Variants in PRRX1 observed in about 807,000 individuals in gnomAD.
The protein encoded by PRRX1 is paired mesoderm homeobox protein 1.
In PRRX1, 8 loss-of-function variants were observed where a neutral mutation model predicts 24.0. The ratio of observed to expected loss-of-function variants is 0.33; its 90% CI spans 0.20 to 0.60. PRRX1 has a LOEUF of 0.60. Among genes scored for constraint, PRRX1 ranks in the 20% least tolerant of loss-of-function variants. The pLI, the probability that PRRX1 is intolerant of heterozygous loss-of-function variation, is 0.82. For missense variants in PRRX1, 281 were observed against 322.4 expected (o/e 0.87, Z 0.98); for synonymous variants, 160 against 131.7 (o/e 1.22, Z -1.47).
chr1:170,681,830 T>A (rs1344220369), intron 1 of PRRX1, among the ~76,000 whole-genome samples: 2 of 152,230 alleles, frequency 1.3e-5, no homozygotes, highest in Non-Finnish European at 2.9e-5. Context: ...CTAATTTGCA[T>A]CACCTAATAT....
intron 1 of PRRX1, among the ~76,000 whole-genome samples, chr1:170,674,304 T>C (rs533982000): frequency 1.6e-4 from 24 of 152,290 alleles, no homozygotes; most frequent in Admixed American, 1.1e-3. Flanking sequence ...GCTAGGCTAG[T>C]ATACTAACTC....
In PRRX1 at chr1:170,738,069, A is replaced by G. The variant is rs145568344; in HGVS notation, c.*1883A>G. On this transcript the variant is annotated 3_prime_UTR_variant, in exon 4 of 4. Transcript: ENST00000239461. ...CTCAAAAATCACATCATTTGACCAAAGAATAATTTAAGACACATAGAACAG... is the reference window on the plus strand; with the variant it reads ...CTCAAAAATCACATCATTTGACCAAGGAATAATTTAAGACACATAGAACAG... 1.8e-3 allele frequency: 401 copies of G among 217,124 alleles called. 3 individuals carry two copies. The highest frequency in any genetic ancestry group is 8.4e-3 in the African/African-American group (376 of 44,554). The allele number at this position is 217,124 out of a possible 1,614,324, so 13.4% of individuals were successfully genotyped here. A position where few individuals can be genotyped will look rare whatever the true frequency, so the allele number is the denominator to read the frequency against.
chr1:170,720,751 T>C (rs1655056080), intron 2 of PRRX1, among the ~76,000 whole-genome samples: 1 of 152,204 alleles, frequency 6.6e-6, no homozygotes, highest in African/African-American at 2.4e-5. Flanking sequence ...TCAGTGTCTC[T>C]GTGAACTGAA....
At chr1:170,696,432 T>G (rs1442554979) in intron 1 of PRRX1, among the ~76,000 whole-genome samples, 1 of 152,116 alleles carries the variant, frequency 6.6e-6, no homozygotes, top group Non-Finnish European at 1.5e-5. Context: ...TAACATAAGG[T>G]GCAGCCAGCA....
At chr1:170,711,246 C>T (rs1654738676) in intron 1 of PRRX1, among the ~76,000 whole-genome samples, 1 of 152,140 alleles carries the variant, frequency 6.6e-6, no homozygotes, top group South Asian at 2.1e-4. Context: ...TTCATTTATT[C>T]TATATAGTGT....
intron 3 of PRRX1, chr1:170,727,870 C>A (rs1655307396): frequency 6.6e-6 from 1 of 152,150 alleles, no homozygotes. Context: ...AGATTTACTA[C>A]AAATACATTT....
intron 3 of PRRX1, among the ~76,000 whole-genome samples, chr1:170,732,161 T>A (rs960843027): frequency 4.6e-5 from 7 of 152,330 alleles, no homozygotes; most frequent in African/African-American, 1.7e-4. Flanking sequence ...GCAAGCTTAA[T>A]CCTGTATAGG....
At chr1:170,705,670 C>G (rs981820114) in intron 1 of PRRX1, among the ~76,000 whole-genome samples, 20 of 152,060 alleles carry the variant, frequency 1.3e-4, no homozygotes, top group Admixed American at 1.1e-3. Flanking sequence ...CTGGGAGCTC[C>G]TACCAGAAAC....
intron 1 of PRRX1, among the ~76,000 whole-genome samples, chr1:170,718,661 A>T (rs914883622): frequency 6.6e-5 from 10 of 152,316 alleles, no homozygotes; most frequent in African/African-American, 2.4e-4. Flanking sequence ...TAGATGGAGC[A>T]TGTGACTTGG....
chr1:170,709,241 C>T (rs891562172), intron 1 of PRRX1, among the ~76,000 whole-genome samples: 2 of 152,090 alleles, frequency 1.3e-5, no homozygotes, highest in Non-Finnish European at 2.9e-5. Flanking sequence ...AAAGAACTGA[C>T]AGGTCAGCTG....
intron 1 of PRRX1, among the ~76,000 whole-genome samples, chr1:170,699,646 G>A (rs1295369692): frequency 6.6e-6 from 1 of 152,128 alleles, no homozygotes; most frequent in African/African-American, 2.4e-5. Context: ...AGAAAGATTG[G>A]CTTGCTTGGA....
rs947275798 is a variant in PRRX1, at chr1:170,737,517, C to A, written c.*1331C>A. ...GAGAGAGTAAGGAATACCATTTAGT[C>A]ATCTATCCGTTCTTCACTTAGCAGG... is the stretch of plus-strand genomic sequence containing the variant. On this transcript the variant is annotated 3_prime_UTR_variant, in exon 4 of 4. Coordinates refer to ENST00000239461, the MANE Select transcript of PRRX1 (RefSeq NM_022716.4). The A allele has an allele frequency of 4.8e-6, 1 of 208,562 alleles. No individual in the cohort carries two copies. The highest frequency in any genetic ancestry group is 2.3e-5 in the African/African-American group (1 of 43,916). 12.9% of individuals were successfully genotyped at this position (208,562 alleles called of 1,614,324 possible).
intron 1 of PRRX1, among the ~76,000 whole-genome samples, chr1:170,713,614 A>T (rs1439826389): frequency 1.3e-5 from 2 of 152,224 alleles, no homozygotes; most frequent in East Asian, 1.9e-4. Flanking sequence ...TGAGCTATCT[A>T]CACAGAACCA....
chr1:170,678,483 G>A (rs760231375), intron 1 of PRRX1, among the ~76,000 whole-genome samples: 37 of 152,198 alleles, frequency 2.4e-4, no homozygotes, highest in Non-Finnish European at 4.8e-4. Context: ...AGAGAGAAGG[G>A]GCAGGTCAGC....
intron 1 of PRRX1, among the ~76,000 whole-genome samples, chr1:170,687,416 G>A (rs1653781484): frequency 6.6e-6 from 1 of 152,122 alleles, no homozygotes. Flanking sequence ...TGTGAATTCT[G>A]TCTTTTCTTT....
intron 1 of PRRX1, among the ~76,000 whole-genome samples, chr1:170,666,618 G>A (rs1038096649): frequency 1.3e-5 from 2 of 152,052 alleles, no homozygotes; most frequent in Non-Finnish European, 2.9e-5. Flanking sequence ...GACCAGAGTG[G>A]GGCAGGAGAG....
chr1:170,728,191 T>G (rs567602072), intron 3 of PRRX1: 1 of 152,214 alleles, frequency 6.6e-6, no homozygotes, highest in African/African-American at 2.4e-5. Flanking sequence ...ACACACTGCA[T>G]GAATGGGGAT....
chr1:170,700,190 A>G (rs942798657), intron 1 of PRRX1, among the ~76,000 whole-genome samples: 8 of 152,096 alleles, frequency 5.3e-5, no homozygotes, highest in African/African-American at 1.9e-4. Flanking sequence ...TTTTGTGTGA[A>G]TGAGTTGGTT....
chr1:170,720,191 T>C lies in PRRX1; in HGVS notation c.417+290T>C, dbSNP rs370694628. On this transcript the variant is annotated intron_variant, in intron 2 of 3. Transcript: ENST00000239461. ...TTCTTGGAAGGCTGAGGTGGGAGAATTGCTTGAGCCTGGGGGGTGGAGGTT... is the reference window on the plus strand; with the variant it reads ...TTCTTGGAAGGCTGAGGTGGGAGAACTGCTTGAGCCTGGGGGGTGGAGGTT... Among the ~76,000 whole-genome samples, 13 of 152,136 alleles carry C rather than the reference T, an allele frequency of 8.5e-5. No individual in the cohort carries two copies. The East Asian group carries it at 2.1e-3, about 25-fold the overall frequency.
Sources: gnomAD v4.1 joint callset for allele counts (sites outside exome capture counted in the v4.1 genomes callset) on GRCh38, gnomAD v4.1.1 for gene constraint, MANE v1.5 for transcripts, NCBI Gene and HGNC (gene_info 2026-07-23, HGNC 2026-07-21) for gene names.